MYO1H: variants seen among roughly 807,000 people sequenced by gnomAD.
MYO1H encodes unconventional myosin-Ih.
A neutral mutation model predicts 149.3 loss-of-function variants in MYO1H; 118 were observed. The ratio of observed to expected loss-of-function variants is 0.79; its 90% CI spans 0.68 to 0.92. MYO1H has a LOEUF of 0.92. MYO1H is among the 40% of genes least tolerant of loss of function. The probability of loss-of-function intolerance (pLI) is 0.00; values close to 1 mark genes in which losing one functional copy is unlikely to be tolerated. For missense variants in MYO1H, 1,212 were observed against 1,280.7 expected (o/e 0.95, Z 0.82); for synonymous variants, 447 against 465.2 (o/e 0.96, Z 0.50).
the MYO1H span, among the ~76,000 whole-genome samples, chr12:109,310,829 A>G: frequency 6.6e-6 from 1 of 152,198 alleles, no homozygotes; most frequent in Non-Finnish European, 1.5e-5. Flanking sequence ...GAGGAAAAAG[A>G]TGTAGTTTAC....
At chr12:109,441,512 A>T in intron 25 of MYO1H, 103 bp from the exon 26 acceptor site, 1 of 688,280 alleles carries the variant, frequency 1.5e-6, no homozygotes, top group Non-Finnish European at 2.4e-6. Flanking sequence ...CAAGGCTCCC[A>T]CAGTTTATCC....
At chr12:109,373,643 A>G (rs1185156681) in intron 1 of MYO1H, among the ~76,000 whole-genome samples, 1 of 152,104 alleles carries the variant, frequency 6.6e-6, no homozygotes, top group South Asian at 2.1e-4. Flanking sequence ...TTATTGAGGA[A>G]TTTGGTTTTG....
intron 22 of MYO1H, among the ~76,000 whole-genome samples, chr12:109,438,086 TAAA>T (rs58487735): frequency 5.2e-5 from 5 of 96,914 alleles, no homozygotes; most frequent in Admixed American, 1.2e-4. Flanking sequence ...AGGCTCTGTC[TAAA>T]AAAAAAAAAA....
chr12:109,372,665 T>C (rs1869006286), intron 1 of MYO1H, among the ~76,000 whole-genome samples: 1 of 152,094 alleles, frequency 6.6e-6, no homozygotes, highest in Non-Finnish European at 1.5e-5. Flanking sequence ...TGTCTTAACA[T>C]TGAATTTATG....
rs558124800 is a variant in MYO1H, at chr12:109,350,258, T to A, written c.12+2286T>A. Among the ~76,000 whole-genome samples the A allele has an allele frequency of 5.1e-4, 77 of 152,234 alleles. 2 individuals carry two copies. The highest frequency in any genetic ancestry group is 4.6e-3 in the Admixed American group (71 of 15,298). On this transcript the variant is annotated intron_variant, in intron 1 of 31. Coordinates refer to ENST00000310903, the Ensembl canonical transcript of MYO1H. The stretch of plus-strand genomic sequence containing the variant: ...TCCAAGTTAGTTGGGTTGTAGGGAA[T>A]CCATAAACTCCTGATATGGTTTGGC...
the MYO1H span, among the ~76,000 whole-genome samples, chr12:109,331,874 CTG>C: frequency 6.6e-6 from 1 of 152,174 alleles, no homozygotes; most frequent in African/African-American, 2.4e-5. Context: ...CAGCCTAACC[CTG>C]TCATGTTTGA....
the MYO1H span, among the ~76,000 whole-genome samples, chr12:109,342,663 C>A: frequency 6.6e-6 from 1 of 151,410 alleles, no homozygotes; most frequent in Non-Finnish European, 1.5e-5. Context: ...CCACCTCAGC[C>A]TTCCAAGTAT....
intron 24 of MYO1H, 85 bp downstream of exon 24, chr12:109,439,875 C>G: frequency 7.7e-7 from 1 of 1,296,870 alleles, no homozygotes; most frequent in African/African-American, 1.5e-5. Flanking sequence ...GTGCTGCCTC[C>G]CTTTGGCTTG....
upstream of MYO1H, among the ~76,000 whole-genome samples, chr12:109,343,808 T>G (rs1221497943): frequency 3.3e-5 from 5 of 151,808 alleles, no homozygotes; most frequent in Non-Finnish European, 7.4e-5. Context: ...GAAACAGGAG[T>G]GGGATGGGAG....
exon 23 of MYO1H, chr12:109,438,536 C>T (rs761414697): frequency 6.2e-7 from 1 of 1,611,934 alleles, no homozygotes; most frequent in African/African-American, 1.3e-5. Flanking sequence ...ACTCTTTCAG[C>T]CATCAAACTG....
At chr12:109,368,712 C>T (rs1868920427) in intron 1 of MYO1H, among the ~76,000 whole-genome samples, 1 of 146,382 alleles carries the variant, frequency 6.8e-6, no homozygotes, top group South Asian at 2.2e-4. Context: ...GTTTTTCCAA[C>T]TTTTATTTTA....
At chr12:109,332,374 C>T in the MYO1H span, among the ~76,000 whole-genome samples, 1 of 152,144 alleles carries the variant, frequency 6.6e-6, no homozygotes, top group South Asian at 2.1e-4. Context: ...TCATCCCGGG[C>T]TTGTGGCATT....
chr12:109,405,118 C>T (rs1178996293), intron 7 of MYO1H, among the ~76,000 whole-genome samples: 1 of 151,600 alleles, frequency 6.6e-6, no homozygotes, highest in Non-Finnish European at 1.5e-5. Context: ...GAGGCTGATG[C>T]GGGAGGATCG....
chr12:109,319,362 T>A, the MYO1H span, among the ~76,000 whole-genome samples: 2 of 152,124 alleles, frequency 1.3e-5, no homozygotes, highest in African/African-American at 4.8e-5. Flanking sequence ...TTATATGAGA[T>A]ACACACAGTA....
rs371145975 is a variant in MYO1H, at chr12:109,439,796, G to T, written c.2454+6G>T. 35 of 1,612,750 alleles carry T rather than the reference G, an allele frequency of 2.2e-5. No homozygotes were observed. In the African/African-American group the frequency reaches 4.5e-4, roughly 21 times the overall value. Reference sequence around the variant, plus strand: ...CTCCTGGCATCTTGGAAAATGTAAGGACTAATCTGGGATTTCCAGTGTTGT... The same window carrying T: ...CTCCTGGCATCTTGGAAAATGTAAGTACTAATCTGGGATTTCCAGTGTTGT... On this transcript the variant is annotated splice_donor_region_variant and intron_variant, in intron 24 of 31. Coordinates refer to ENST00000310903, the Ensembl canonical transcript of MYO1H.
intron 7 of MYO1H, 70 bp downstream of exon 7, chr12:109,404,150 T>C: frequency 8.1e-7 from 1 of 1,229,466 alleles, no homozygotes; most frequent in Non-Finnish European, 1.2e-6. Flanking sequence ...TTCTTGGTGT[T>C]TGCAGAATAC....
At chr12:109,368,549 G>A (rs142071076) in intron 1 of MYO1H, among the ~76,000 whole-genome samples, 5,023 of 151,310 alleles carry the variant, frequency 0.033, 117 homozygotes, top group Middle Eastern at 0.065. Flanking sequence ...CCAGCTACTC[G>A]GGAGGCTGAG....
intron 1 of MYO1H, among the ~76,000 whole-genome samples, chr12:109,374,859 A>ATT (rs34450261): frequency 0.059 from 8,691 of 146,794 alleles, 828 homozygotes; most frequent in African/African-American, 0.21. Context: ...TGGCCATTTG[A>ATT]TTTTTTTTTT....
At chr12:109,414,894 T>A (rs187294765) in intron 14 of MYO1H, among the ~76,000 whole-genome samples, 1 of 151,978 alleles carries the variant, frequency 6.6e-6, no homozygotes, top group East Asian at 1.9e-4. Context: ...ATTTTTTTTT[T>A]AAAGACAGGG....
Sources: gnomAD v4.1 joint callset for allele counts (sites outside exome capture counted in the v4.1 genomes callset) on GRCh38, gnomAD v4.1.1 for gene constraint, MANE v1.5 for transcripts, NCBI Gene and HGNC (gene_info 2026-07-23, HGNC 2026-07-21) for gene names.